The following ZNF616 variants were observed in gnomAD, a reference collection of about 807,000 sequenced individuals.
The protein encoded by ZNF616 is zinc finger protein 616.
In ZNF616, 5 loss-of-function variants were observed where a neutral mutation model predicts 7.6. That is an observed-to-expected ratio of 0.66 (90% confidence interval 0.34 to 1.38). The LOEUF (loss-of-function observed/expected upper bound fraction) is 1.38, where lower values mean the gene tolerates loss of function less well. Ranked by LOEUF, ZNF616 falls within the 40% of genes most tolerant of loss-of-function variation. The pLI, the probability that ZNF616 is intolerant of heterozygous loss-of-function variation, is 0.04. For missense variants in ZNF616, 913 were observed against 948.3 expected (o/e 0.96, Z 0.49); for synonymous variants, 319 against 317.2 (o/e 1.01, Z -0.06).
chr19:52,119,339 G>A (rs2088849263), intron 3 of ZNF616, among the ~76,000 whole-genome samples: 1 of 151,060 alleles, frequency 6.6e-6, no homozygotes, highest in Admixed American at 6.6e-5. Flanking sequence ...TCACACCACT[G>A]CACTCCAGCC....
chr19:52,130,655 G>A, intron 1 of ZNF616, 67 bp from the exon 2 acceptor site: 7 of 1,235,530 alleles, frequency 5.7e-6, no homozygotes, highest in Non-Finnish European at 7.9e-6. Context: ...TCACAACCAT[G>A]CACACAGGGA....
chr19:52,129,091 G>A (rs1160290072), intron 2 of ZNF616, among the ~76,000 whole-genome samples: 1 of 151,792 alleles, frequency 6.6e-6, no homozygotes, highest in Non-Finnish European at 1.5e-5. Context: ...TGGCCAACAT[G>A]ATGAAACCCC....
chr19:52,132,261 C>A (rs2088966865), intron 1 of ZNF616, among the ~76,000 whole-genome samples: 1 of 152,058 alleles, frequency 6.6e-6, no homozygotes, highest in Non-Finnish European at 1.5e-5. Context: ...GGGGAATGTA[C>A]TTAGGGAGTT....
chr19:52,137,300 A>G (rs60164622), intron 1 of ZNF616, among the ~76,000 whole-genome samples: 16,280 of 151,336 alleles, frequency 0.11, 1,059 homozygotes, highest in South Asian at 0.3. Flanking sequence ...GCGGGTGCCT[A>G]TAGTCCCAGC....
chr19:52,123,760 A>C (rs2088882080), intron 3 of ZNF616, among the ~76,000 whole-genome samples, 163 bp downstream of exon 3: 1 of 152,236 alleles, frequency 6.6e-6, no homozygotes, highest in African/African-American at 2.4e-5. Context: ...ATATATATAC[A>C]AAGGTGACAG....
chr19:52,114,671 C>A lies in ZNF616; in HGVS notation c.*147G>T. The A allele has an allele frequency of 2.1e-6, 2 of 930,840 alleles. No homozygotes were observed. The highest frequency in any genetic ancestry group is 3.1e-6 in the Non-Finnish European group (2 of 640,536). The allele number at this position is 930,840 out of a possible 1,614,324, so 57.7% of individuals were successfully genotyped here. Reference sequence around the variant, plus strand: ...TACATCTTTCTCAGTTTGAGAAATCCACTTCCATGATTCAATCACCTCCCA... The same window carrying A: ...TACATCTTTCTCAGTTTGAGAAATCAACTTCCATGATTCAATCACCTCCCA... On this transcript the variant is annotated 3_prime_UTR_variant, in exon 4 of 4. Transcript: ENST00000600228.
chr19:52,132,654 C>T (rs1305650399), intron 1 of ZNF616, among the ~76,000 whole-genome samples: 2 of 152,286 alleles, frequency 1.3e-5, no homozygotes, highest in Middle Eastern at 3.4e-3. Flanking sequence ...CCACGTGAGA[C>T]GCCTGTTCCT....
chr19:52,134,662 G>A (rs562286903), intron 1 of ZNF616, among the ~76,000 whole-genome samples: 1 of 152,274 alleles, frequency 6.6e-6, no homozygotes, highest in Non-Finnish European at 1.5e-5. Context: ...ATTTTTTAGT[G>A]TGTAGGAGAA....
intron 1 of ZNF616, among the ~76,000 whole-genome samples, chr19:52,131,279 A>AG: frequency 6.6e-6 from 1 of 150,974 alleles, no homozygotes; most frequent in East Asian, 1.9e-4. Context: ...AAAAAAAAAA[A>AG]AAAAAAAAAA....
rs768619868 is a variant in ZNF616, at chr19:52,115,349, G to C, written c.1815C>G (p.Tyr605Ter). Residue 605 changes from tyrosine to a stop codon, truncating the protein, a stop_gained, in exon 4 of 4, where the codon TAC becomes TAG. Coordinates refer to ENST00000600228, the MANE Select transcript of ZNF616 (RefSeq NM_178523.5). LOFTEE classifies it low-confidence loss of function (END_TRUNC). ...AGGCTTTGCCACATTCATGACATTT[G>C]TATGGTTTCTCTCCAGTATGAACTC... ...HRRVHTGEKPYKCHECGKAFN... is the reference protein window; with the variant it reads ...HRRVHTGEKP The C allele has an allele frequency of 3.1e-6, 5 of 1,613,970 alleles. No individual in the cohort carries two copies. The highest frequency in any genetic ancestry group is 4.2e-6 in the Non-Finnish European group (5 of 1,180,016).
intron 1 of ZNF616, among the ~76,000 whole-genome samples, chr19:52,133,400 AT>A (rs911075372): frequency 1.3e-5 from 2 of 151,848 alleles, no homozygotes; most frequent in African/African-American, 4.8e-5. Flanking sequence ...TAATAGGCCA[AT>A]TTTTTTTCTC....
In ZNF616 at chr19:52,115,488, C is replaced by A. The variant is rs1449642224; in HGVS notation, c.1676G>T (p.Ser559Ile). ...YKCKECGKVF[S>I]QCSRLTVHRR... Reference sequence around the variant, plus strand: ...ATGCACTGTAAGACGTGAACATTGACTGAAGACCTTGCCACATTCTTTGCA... The same window carrying A: ...ATGCACTGTAAGACGTGAACATTGAATGAAGACCTTGCCACATTCTTTGCA... The change falls in exon 4 of 4, where the codon AGT becomes ATT. Residue 559 changes from serine (S) to isoleucine (I), a missense_variant. Physicochemically the swap from Ser to Ile is moderately radical, Grantham distance 142. Coordinates refer to ENST00000600228, the MANE Select transcript of ZNF616 (RefSeq NM_178523.5). 3.7e-6 allele frequency: 6 copies of A among 1,614,192 alleles called. No individual in the cohort carries two copies. Among genetic ancestry groups the A allele is most frequent in the Non-Finnish European group, 2.5e-6 (3 of 1,180,034 alleles).
chr19:52,117,346 G>C (rs924346313), intron 3 of ZNF616, among the ~76,000 whole-genome samples: 2 of 152,172 alleles, frequency 1.3e-5, no homozygotes, highest in East Asian at 3.9e-4. Flanking sequence ...GAACCGATTG[G>C]CAGAAAATGT....
At position 52,130,436 on chromosome 19, in the gene ZNF616, A is replaced by C. The variant is rs922633911; in HGVS notation, c.12+65T>G. 1.3e-5 allele frequency: 19 copies of C among 1,447,246 alleles called. No individual in the cohort carries two copies. The African/African-American group carries it at 2.2e-4, about 17-fold the overall frequency. The allele number at this position is 1,447,246 out of a possible 1,614,324, so 89.7% of individuals were successfully genotyped here. The stretch of plus-strand genomic sequence containing the variant: ...TTGCAACTCCGACGCCCTGTACTTC[A>C]CAAAGGAAGGAGACAGAATGACCCA... On this transcript the variant is annotated intron_variant, in intron 2 of 3. Coordinates refer to ENST00000600228, the MANE Select transcript of ZNF616 (RefSeq NM_178523.5).
At position 52,120,976 on chromosome 19, in the gene ZNF616, C is replaced by T. The variant is rs1259912409; in HGVS notation, c.139+2947G>A. 2.0e-5 allele frequency among the ~76,000 whole-genome samples: 3 copies of T among 152,170 alleles called. No homozygotes were observed. The East Asian group carries it at 5.8e-4, about 29-fold the overall frequency. On this transcript the variant is annotated intron_variant, in intron 3 of 3. Transcript: ENST00000600228. ...AACCTACATATGCACAACGCATCTC[C>T]CAAAAACAGCACGAAAGAATTTTTT...
Position 52,115,784 on chromosome 19 carries a change from G to T in ZNF616, c.1380C>A (p.Thr460=). 1 of 1,607,014 alleles carries T rather than the reference G, an allele frequency of 6.2e-7. No homozygotes were observed. The highest frequency in any genetic ancestry group is 8.5e-7 in the Non-Finnish European group (1 of 1,177,390). ...SHLAVHWRIH[T]GEKAYKCNEC... ...CATTGCATTTATAAGCTTTCTCGCC[G>T]GTATGAATTCTCCAATGCACTGCAA... Residue 460 remains threonine (T), a synonymous_variant, in exon 4 of 4, where the codon ACC becomes ACA. Coordinates refer to ENST00000600228, the MANE Select transcript of ZNF616 (RefSeq NM_178523.5).
At chr19:52,124,763 A>G (rs1380699367) in intron 2 of ZNF616, among the ~76,000 whole-genome samples, 1 of 152,220 alleles carries the variant, frequency 6.6e-6, no homozygotes, top group Non-Finnish European at 1.5e-5. Flanking sequence ...CAATAAAAAT[A>G]TATTTCTCAT....
chr19:52,130,521 C>T lies in ZNF616; in HGVS notation c.-9G>A, dbSNP rs2088948895. 8 of 1,608,814 alleles carry T rather than the reference C, an allele frequency of 5.0e-6. No individual in the cohort carries two copies. Among genetic ancestry groups the T allele is most frequent in the African/African-American group, 1.3e-5 (1 of 74,418 alleles). ...TCTACCTGAGTAGCCATCACTGACT[C>T]CTTTTCCTTCCTCTTCTTCCTCTTC... is the stretch of plus-strand genomic sequence containing the variant. On this transcript the variant is annotated 5_prime_UTR_variant, in exon 2 of 4. Transcript: ENST00000600228.
At chr19:52,122,720 C>T (rs1470658094) in intron 3 of ZNF616, among the ~76,000 whole-genome samples, 4 of 151,188 alleles carry the variant, frequency 2.6e-5, no homozygotes, top group Admixed American at 1.3e-4. Flanking sequence ...CTGCAAGCTC[C>T]GCCTCCCGGG....
Sources: allele counts gnomAD v4.1 joint callset (sites outside exome capture counted in the v4.1 genomes callset), GRCh38; gene constraint gnomAD v4.1.1; transcripts MANE v1.5; gene names NCBI Gene and HGNC (gene_info 2026-07-23, HGNC 2026-07-21).